Variants in EYA2 observed in about 807,000 individuals in gnomAD.
EYA2 encodes the protein protein phosphatase EYA2.
A neutral mutation model predicts 69.2 loss-of-function variants in EYA2; 31 were observed. The observed-to-expected ratio is 0.45, with a 90% CI of 0.34 to 0.60. The LOEUF (loss-of-function observed/expected upper bound fraction) is 0.60, where lower values mean the gene tolerates loss of function less well. Among genes scored for constraint, EYA2 ranks in the 20% least tolerant of loss-of-function variants. The pLI, the probability that EYA2 is intolerant of heterozygous loss-of-function variation, is 0.02. For synonymous variants in EYA2, 257 were observed against 279.4 expected, an observed-to-expected ratio of 0.92 and a Z score of 0.80; for missense variants, 622 against 701.2, an observed-to-expected ratio of 0.89 and a Z score of 1.28.
At chr20:47,037,811 C>T (rs1481778809) in intron 5 of EYA2, among the ~76,000 whole-genome samples, 1 of 152,198 alleles carries the variant, frequency 6.6e-6, no homozygotes, top group Non-Finnish European at 1.5e-5. Flanking sequence ...ATCTTAAGCT[C>T]AGCTGCTTAG....
intron 9 of EYA2, among the ~76,000 whole-genome samples, chr20:47,098,593 G>A (rs1321082357): frequency 6.6e-6 from 1 of 152,210 alleles, no homozygotes; most frequent in African/African-American, 2.4e-5. Flanking sequence ...TCAAGTCAGA[G>A]ACAAAGCCCC....
At chr20:47,115,674 G>C (rs1287941315) in intron 9 of EYA2, among the ~76,000 whole-genome samples, 1 of 152,044 alleles carries the variant, frequency 6.6e-6, no homozygotes, top group Non-Finnish European at 1.5e-5. Flanking sequence ...CTGCCTCCCT[G>C]CTTCCCCTCT....
chr20:46,995,100 C>A (rs2146335871), intron 2 of EYA2, among the ~76,000 whole-genome samples: 1 of 152,210 alleles, frequency 6.6e-6, no homozygotes, highest in South Asian at 2.1e-4. Flanking sequence ...AGGGTTTCAC[C>A]ATGTTGGCCA....
intron 1 of EYA2, among the ~76,000 whole-genome samples, chr20:46,914,870 T>C (rs780651100): frequency 6.6e-6 from 1 of 152,110 alleles, no homozygotes; most frequent in Non-Finnish European, 1.5e-5. Flanking sequence ...ATCATGACCA[T>C]GATTGTTTGA....
intron 15 of EYA2, among the ~76,000 whole-genome samples, chr20:47,187,283 C>A (rs532122593): frequency 1.3e-5 from 2 of 151,688 alleles, no homozygotes; most frequent in African/African-American, 4.8e-5. Flanking sequence ...GTAGGAGGAT[C>A]GCTTGAGCCT....
At chr20:47,025,557 T>C (rs1375966867) in intron 5 of EYA2, among the ~76,000 whole-genome samples, 1 of 152,216 alleles carries the variant, frequency 6.6e-6, no homozygotes, top group Non-Finnish European at 1.5e-5. Flanking sequence ...CTATAAATGA[T>C]TGAGCCAGTT....
At chr20:47,186,640 T>C (rs2034648798) in intron 15 of EYA2, among the ~76,000 whole-genome samples, 1 of 152,084 alleles carries the variant, frequency 6.6e-6, no homozygotes, top group Non-Finnish European at 1.5e-5. Context: ...ATTACAGGCG[T>C]GAGCCACCAC....
chr20:46,917,412 C>T (rs920178400), intron 1 of EYA2, among the ~76,000 whole-genome samples: 3 of 152,154 alleles, frequency 2.0e-5, no homozygotes, highest in Admixed American at 6.5e-5. Context: ...TATGGCAAAA[C>T]GAAGATTTGA....
Position 47,072,213 on chromosome 20 carries a change from T to G in EYA2, c.444T>G (p.Asn148Lys), listed in dbSNP as rs369603684. ...CAACAGGGTTCTATCAAGGAGGAAA[T>G]GGACTGGGCAACGCAGCCGGTTTCG... The part of the protein sequence containing the change: ...HGTTGFYQGG[N>K]GLGNAAGFGS... Residue 148 changes from asparagine to lysine, a missense_variant, in exon 6 of 16, where the codon AAT becomes AAG. This residue lies in a region of EYA2 where 365 missense variants were observed against 349.7 expected (regional missense o/e 1.04). Coordinates refer to ENST00000327619, the MANE Select transcript of EYA2 (RefSeq NM_005244.5). 2.5e-6 allele frequency: 4 copies of G among 1,613,214 alleles called. No individual in the cohort carries two copies. Among genetic ancestry groups the G allele is most frequent in the Non-Finnish European group, 1.7e-6 (2 of 1,179,652 alleles).
intron 1 of EYA2, among the ~76,000 whole-genome samples, chr20:46,911,745 C>T (rs1385992718): frequency 2.6e-5 from 4 of 152,010 alleles, no homozygotes; most frequent in African/African-American, 9.7e-5. Context: ...CTGGAAAACT[C>T]GATCTCGTGG....
At chr20:46,937,548 C>T (rs188792777) in intron 1 of EYA2, among the ~76,000 whole-genome samples, 1 of 152,090 alleles carries the variant, frequency 6.6e-6, no homozygotes, top group Non-Finnish European at 1.5e-5. Context: ...GAAAGCCAGT[C>T]TACAGAGTGG....
chr20:46,926,467 G>A (rs183669888), intron 1 of EYA2, among the ~76,000 whole-genome samples: 61 of 152,342 alleles, frequency 4.0e-4, no homozygotes, highest in Non-Finnish European at 1.5e-5. Context: ...CCCAGTTCAA[G>A]CAATGAGACA....
intron 1 of EYA2, among the ~76,000 whole-genome samples, chr20:46,918,404 G>T (rs1985023752): frequency 6.6e-6 from 1 of 151,012 alleles, no homozygotes; most frequent in Non-Finnish European, 1.5e-5. Context: ...TACCTCTGGG[G>T]CTCAAGCAAT....
At chr20:47,031,890 C>T (rs1984440343) in intron 5 of EYA2, among the ~76,000 whole-genome samples, 1 of 152,116 alleles carries the variant, frequency 6.6e-6, no homozygotes, top group South Asian at 2.1e-4. Context: ...CCAGTACAAA[C>T]ACACAAAAAA....
In EYA2 at chr20:47,004,950, C is replaced by T. The variant is rs770491717; in HGVS notation, c.164C>T (p.Pro55Leu). ...RVSQLFSRSCPRVLPRQPSTA... is the reference protein window; with the variant it reads ...RVSQLFSRSCLRVLPRQPSTA... ...TCCCTCTTTCCACACAGATCTTGCC[C>T]ACGTGTCCTCCCCCGCCAGCCTTCC... Residue 55 changes from proline to leucine, a missense_variant, in exon 4 of 16, where the codon CCA becomes CTA. Physicochemically the swap from Pro to Leu is moderately conservative, Grantham distance 98. Coordinates refer to ENST00000327619, the MANE Select transcript of EYA2 (RefSeq NM_005244.5). The T allele has an allele frequency of 7.4e-6, 12 of 1,614,056 alleles. No individual in the cohort carries two copies. Among genetic ancestry groups the T allele is most frequent in the Non-Finnish European group, 1.0e-5 (12 of 1,179,978 alleles).
At chr20:47,133,364 T>C (rs1397410047) in intron 9 of EYA2, among the ~76,000 whole-genome samples, 1 of 152,214 alleles carries the variant, frequency 6.6e-6, no homozygotes, top group Admixed American at 6.5e-5. Flanking sequence ...AGGGATGGGT[T>C]ATGAGATCAC....
chr20:47,071,971 G>C, intron 5 of EYA2: 1 of 587,170 alleles, frequency 1.7e-6, no homozygotes, highest in Non-Finnish European at 3.1e-6. Context: ...TGGTGATGCT[G>C]GTGGTAGGCG....
intron 1 of EYA2, among the ~76,000 whole-genome samples, chr20:46,912,650 G>A (rs1012832149): frequency 4.0e-5 from 6 of 151,898 alleles, no homozygotes; most frequent in Admixed American, 2.6e-4. Flanking sequence ...GAGGTTGATG[G>A]GAAACATTGA....
intron 10 of EYA2, among the ~76,000 whole-genome samples, chr20:47,157,083 G>A (rs1440880765): frequency 1.3e-5 from 2 of 151,984 alleles, no homozygotes; most frequent in African/African-American, 4.8e-5. Context: ...GGCTGGGGAT[G>A]GTGGCTCATG....
Sources: gnomAD v4.1 joint callset for allele counts (sites outside exome capture counted in the v4.1 genomes callset) on GRCh38, gnomAD v4.1.1 for gene constraint, gnomAD v4.1.1 regional missense constraint, MANE v1.5 for transcripts, NCBI Gene and HGNC (gene_info 2026-07-23, HGNC 2026-07-21) for gene names.